POU2F3: variants seen among roughly 807,000 people sequenced by gnomAD.
POU2F3 encodes the protein POU class 2 homeobox 3.
POU2F3 carries 23 observed loss-of-function variants against 59.2 expected under a neutral mutation model. That is an observed-to-expected ratio of 0.39 (90% CI 0.28 to 0.55). The LOEUF is 0.55. Among genes scored for constraint, POU2F3 ranks in the 20% least tolerant of loss-of-function variants. POU2F3 has a pLI of 0.66. For synonymous variants in POU2F3, 190 were observed against 214.6 expected (o/e 0.89, Z 1.00); for missense variants, 473 against 544.5 (o/e 0.87, Z 1.31).
intron 3 of POU2F3, among the ~76,000 whole-genome samples, chr11:120,293,307 A>G (rs955785169): frequency 1.3e-5 from 2 of 152,242 alleles, no homozygotes. Flanking sequence ...GCTAAGAGCC[A>G]TGGAGATGGG....
chr11:120,248,337 A>C (rs1170008557), intron 2 of POU2F3, among the ~76,000 whole-genome samples: 2 of 152,218 alleles, frequency 1.3e-5, no homozygotes, highest in African/African-American at 4.8e-5. Flanking sequence ...TACTGGCTGC[A>C]TGACCTGAAA....
rs1351033180 is a variant in POU2F3 at position 120,302,675 on chromosome 11, C to T, written c.444+307C>T. ...CAGCATTGCTCCTCTGAGAGCCAGGCTCAGCTCACTTCTCAGGCATACCAA... is the reference window on the plus strand; with the variant it reads ...CAGCATTGCTCCTCTGAGAGCCAGGTTCAGCTCACTTCTCAGGCATACCAA... On this transcript the variant is annotated intron_variant, in intron 6 of 12. Transcript: ENST00000543440. 1.2e-5 allele frequency: 4 copies of T among 320,306 alleles called. No homozygotes were observed. The East Asian group carries it at 2.6e-4, about 21-fold the overall frequency. 19.8% of individuals were successfully genotyped at this position (320,306 alleles called of 1,614,324 possible).
chr11:120,269,156 C>T, intron 2 of POU2F3, 54 bp from the exon 3 acceptor site: 1 of 1,421,926 alleles, frequency 7.0e-7, no homozygotes, highest in Non-Finnish European at 9.8e-7. Flanking sequence ...TTCTAACCTT[C>T]AGCTCTTCCA....
chr11:120,268,978 G>A (rs548987309), intron 2 of POU2F3, among the ~76,000 whole-genome samples: 2 of 152,170 alleles, frequency 1.3e-5, no homozygotes, highest in Non-Finnish European at 2.9e-5. Flanking sequence ...GACCTCAGAC[G>A]ATTCAGCCTC....
At chr11:120,283,736 C>G (rs117028204) in intron 3 of POU2F3, among the ~76,000 whole-genome samples, 7,811 of 151,660 alleles carry the variant, frequency 0.052, 279 homozygotes, top group Middle Eastern at 0.082. Context: ...CAACTTACCC[C>G]CTCCACTACC....
intron 2 of POU2F3, among the ~76,000 whole-genome samples, chr11:120,248,993 T>C (rs1938987704): frequency 6.6e-6 from 1 of 152,194 alleles, no homozygotes; most frequent in Non-Finnish European, 1.5e-5. Flanking sequence ...AAGCACCCCC[T>C]GTGCTGCGTG....
chr11:120,239,833 C>T (rs1261517250), upstream of POU2F3, among the ~76,000 whole-genome samples: 1 of 152,234 alleles, frequency 6.6e-6, no homozygotes, highest in African/African-American at 2.4e-5. Context: ...GCTTACACTT[C>T]GCGATCTGTC....
rs1356087197 is a variant in POU2F3, at chr11:120,298,319, T to C, written c.187T>C (p.Cys63Arg). 12 of 1,613,676 alleles carry C rather than the reference T, an allele frequency of 7.4e-6. No homozygotes were observed. Among genetic ancestry groups the C allele is most frequent in the Non-Finnish European group, 1.0e-5 (12 of 1,179,884 alleles). Residue 63 changes from cysteine (C) to arginine (R), a missense_variant, in exon 4 of 13, where the codon TGC (cysteine) becomes CGC (arginine). Coordinates refer to ENST00000543440, the MANE Select transcript of POU2F3 (RefSeq NM_014352.4). Reference sequence around the variant, plus strand: ...GCAGCAGACCCTCTCCCATCGGCCATGCCACCTGAGTCAAGGACCTGCCAT... The same window carrying C: ...GCAGCAGACCCTCTCCCATCGGCCACGCCACCTGAGTCAAGGACCTGCCAT... ...SLQQTLSHRP[C>R]HLSQGPAMMS...
chr11:120,247,416 T>C (rs371597450), intron 2 of POU2F3, among the ~76,000 whole-genome samples: 1 of 152,180 alleles, frequency 6.6e-6, no homozygotes, highest in African/African-American at 2.4e-5. Flanking sequence ...AGGGGCAAGA[T>C]AATTGGGGGT....
At chr11:120,302,112 G>A (rs1219891311) in intron 5 of POU2F3, 174 bp from the exon 6 acceptor site, 1 of 594,794 alleles carries the variant, frequency 1.7e-6, no homozygotes, top group African/African-American at 1.9e-5. Context: ...ACCTGTATGT[G>A]GCAATGCCTG....
rs1222876417 is a variant in POU2F3 at position 120,319,045 on chromosome 11, T to C, written c.*653T>C. On this transcript the variant is annotated 3_prime_UTR_variant, in exon 13 of 13. Transcript: ENST00000543440. The stretch of plus-strand genomic sequence containing the variant: ...GAAGGTGTAAAAGAGCTGCCCTTGG[T>C]GGGTGCCCTGGGCATGTTGCAACGC... The C allele has an allele frequency of 6.6e-6, 1 of 152,566 alleles. No individual in the cohort carries two copies. The highest frequency in any genetic ancestry group is 1.9e-4 in the East Asian group (1 of 5,190). 9.5% of individuals were successfully genotyped at this position (152,566 alleles called of 1,614,324 possible).
chr11:120,297,187 G>A (rs1401924143), intron 3 of POU2F3, among the ~76,000 whole-genome samples: 1 of 152,172 alleles, frequency 6.6e-6, no homozygotes, highest in Non-Finnish European at 1.5e-5. Flanking sequence ...TGAATTTAAA[G>A]TCACATGGAC....
chr11:120,258,332 C>A (rs1180457519), intron 2 of POU2F3, among the ~76,000 whole-genome samples: 1 of 152,148 alleles, frequency 6.6e-6, no homozygotes, highest in East Asian at 1.9e-4. Context: ...TGGAGCGGTG[C>A]TGGTCTGGAA....
rs752536408 is a variant in POU2F3, at chr11:120,307,560, A to G, written c.851A>G (p.Lys284Arg). Residue 284 changes from lysine (K) to arginine (R), a missense_variant, in exon 9 of 13, where the codon AAA becomes AGA. Lys to Arg is a conservative substitution (Grantham distance 26). Coordinates refer to ENST00000543440, the MANE Select transcript of POU2F3 (RefSeq NM_014352.4). ...GAAGTATTTGGTAGGAAGAGAAAGA[A>G]ACGGACCAGCATCGAGACCAACATC... Reference protein sequence around the residue: ...LSEVFGRKRKKRTSIETNIRL... With the variant: ...LSEVFGRKRKRRTSIETNIRL... The G allele has an allele frequency of 6.2e-7, 1 of 1,614,178 alleles. No individual in the cohort carries two copies. The highest frequency in any genetic ancestry group is 8.5e-7 in the Non-Finnish European group (1 of 1,180,028).
rs141965406 is a variant in POU2F3 at position 120,287,338 on chromosome 11, T to C, written c.133-10927T>C. 2.6e-3 allele frequency among the ~76,000 whole-genome samples: 400 copies of C among 152,326 alleles called. 3 individuals carry two copies. The highest frequency in any genetic ancestry group is 0.022 in the South Asian group (105 of 4,824). On this transcript the variant is annotated intron_variant, in intron 3 of 12. Coordinates refer to ENST00000543440, the MANE Select transcript of POU2F3 (RefSeq NM_014352.4). ...TTTATGCATTAGTACCACATATGTT[T>C]AATAAGCACTTACTAAGTGATGGAC...
chr11:120,271,311 G>A (rs1240560837), intron 3 of POU2F3, among the ~76,000 whole-genome samples: 3 of 152,238 alleles, frequency 2.0e-5, no homozygotes, highest in Non-Finnish European at 4.4e-5. Flanking sequence ...TCTCACTCAA[G>A]GTCTTTAAAT....
At chr11:120,292,386 A>C (rs373233843) in intron 3 of POU2F3, among the ~76,000 whole-genome samples, 1 of 152,190 alleles carries the variant, frequency 6.6e-6, no homozygotes, top group African/African-American at 2.4e-5. Context: ...ACAAAAAAAA[A>C]GTGTGATGAT....
At chr11:120,288,402 A>G (rs1339417075) in intron 3 of POU2F3, among the ~76,000 whole-genome samples, 8 of 152,176 alleles carry the variant, frequency 5.3e-5, no homozygotes, top group Non-Finnish European at 1.5e-5. Flanking sequence ...GAGCTTCAAG[A>G]GATAGATTTC....
intron 6 of POU2F3, 121 bp downstream of exon 6, chr11:120,302,489 AG>A: frequency 1.1e-6 from 1 of 881,826 alleles, no homozygotes; most frequent in Non-Finnish European, 1.7e-6. Context: ...AGGGGATAGC[AG>A]GGAACTATCC....
Sources: gnomAD v4.1 joint callset for allele counts (sites outside exome capture counted in the v4.1 genomes callset) on GRCh38, gnomAD v4.1.1 for gene constraint, MANE v1.5 for transcripts, NCBI Gene and HGNC (gene_info 2026-07-23, HGNC 2026-07-21) for gene names.